EML5: variants seen among roughly 807,000 people sequenced by gnomAD.
The protein encoded by EML5 is echinoderm microtubule-associated protein-like 5.
Under a neutral mutation model 250.0 loss-of-function variants are expected in EML5, and 120 were observed. That is an observed-to-expected ratio of 0.48 (90% CI 0.41 to 0.56). The LOEUF (loss-of-function observed/expected upper bound fraction) is 0.56. Ranked by LOEUF, EML5 falls within the 20% of genes least tolerant of loss-of-function variation. The pLI, the probability that EML5 is intolerant of heterozygous loss-of-function variation, is 0.00. For missense variants in EML5, 2,006 were observed against 2,437.6 expected (o/e 0.82, Z 3.73); for synonymous variants, 771 against 806.5 (o/e 0.96, Z 0.75).
intron 1 of EML5, among the ~76,000 whole-genome samples, chr14:88,765,269 A>G (rs2140505558): frequency 6.6e-6 from 1 of 152,296 alleles, no homozygotes; most frequent in African/African-American, 2.4e-5. Context: ...ACACAACTAA[A>G]TTACTTTCTA....
At chr14:88,738,849 C>T (rs1474985553) in intron 6 of EML5, 30 bp downstream of exon 6, 2 of 1,541,722 alleles carry the variant, frequency 1.3e-6, no homozygotes, top group Admixed American at 2.1e-5. Flanking sequence ...TAGAGTTTGC[C>T]TAGTAATAAG....
intron 20 of EML5, 149 bp from the exon 21 acceptor site, chr14:88,682,180 C>G (rs1479591452): frequency 1.3e-6 from 1 of 771,232 alleles, no homozygotes; most frequent in Non-Finnish European, 1.8e-6. Context: ...TTCTGTTTAT[C>G]TTTGGGAAAC....
Position 88,746,271 on chromosome 14 carries a change from C to G in EML5, c.370G>C (p.Val124Leu). 1 of 1,613,106 alleles carries G rather than the reference C, an allele frequency of 6.2e-7. No individual in the cohort carries two copies. Among genetic ancestry groups the G allele is most frequent in the Non-Finnish European group, 8.5e-7 (1 of 1,179,490 alleles). ...ACTGCATTCTTTGAATCAAGTCCAA[C>G]TGAAACCAAGCGCTGATTTATGTCC... ...FDLDGQRLVS[V>L]GLDSKNAVCV... The change falls in exon 3 of 44, where the codon GTT (valine) becomes CTT (leucine). Residue 124 changes from valine to leucine, a missense_variant. Val to Leu is a conservative substitution (Grantham distance 32). Coordinates refer to ENST00000554922, the MANE Select transcript of EML5 (RefSeq NM_183387.3).
At chr14:88,759,698 A>AACAAAAAAC (rs1555374472) in intron 1 of EML5, among the ~76,000 whole-genome samples, 2 of 142,112 alleles carry the variant, frequency 1.4e-5, no homozygotes, top group African/African-American at 5.4e-5. Flanking sequence ...AAAAAAAAAA[A>AACAAAAAAC]AAAAAACTGG....
rs1397907398 is a variant in EML5, at chr14:88,658,365, C to A, written c.3699G>T (p.Arg1233Ser). 6.2e-7 allele frequency: 1 copy of A among 1,600,066 alleles called. No homozygotes were observed. The highest frequency in any genetic ancestry group is 8.5e-7 in the Non-Finnish European group (1 of 1,173,450). Reference sequence around the variant, plus strand: ...TGACATGTGTACTATGGGCCACATACCTCTTAAACTTTCCAAATTTCCCCT... The same window carrying A: ...TGACATGTGTACTATGGGCCACATAACTCTTAAACTTTCCAAATTTCCCCT... ...PTKGKFGKFK[R>S]YVAHSTHVTN... The change falls in exon 26 of 44, where the codon AGG (arginine) becomes AGT (serine). Residue 1233 changes from arginine to serine, a missense_variant. Arg to Ser is a moderately radical substitution (Grantham distance 110, BLOSUM62 -1). Coordinates refer to ENST00000554922, the MANE Select transcript of EML5 (RefSeq NM_183387.3).
chr14:88,756,116 G>A (rs1442646856), intron 1 of EML5, among the ~76,000 whole-genome samples: 1 of 152,114 alleles, frequency 6.6e-6, no homozygotes, highest in Non-Finnish European at 1.5e-5. Context: ...GTATTTGAAT[G>A]GTTTGGGGTG....
intron 23 of EML5, 87 bp downstream of exon 23, chr14:88,664,406 C>A: frequency 9.0e-7 from 1 of 1,115,334 alleles, no homozygotes; most frequent in Non-Finnish European, 1.2e-6. Flanking sequence ...TTTAACTCAT[C>A]TGTTGAATCA....
chr14:88,712,958 G>A (rs2093429797), intron 9 of EML5, among the ~76,000 whole-genome samples: 1 of 152,162 alleles, frequency 6.6e-6, no homozygotes. Context: ...GAGGACTTTA[G>A]GACCCGGTCA....
chr14:88,641,510 G>T (rs2091064464), intron 31 of EML5, among the ~76,000 whole-genome samples: 1 of 152,058 alleles, frequency 6.6e-6, no homozygotes, highest in Non-Finnish European at 1.5e-5. Context: ...ATGCAAGGTT[G>T]GTTCAACATA....
chr14:88,709,396 TA>T (rs1158000393), intron 10 of EML5, among the ~76,000 whole-genome samples: 2 of 152,096 alleles, frequency 1.3e-5, no homozygotes, highest in Non-Finnish European at 2.9e-5. Context: ...AAGTAATTCT[TA>T]AAGATCAATA....
At chr14:88,667,865 C>T (rs755925753) in intron 21 of EML5, among the ~76,000 whole-genome samples, 1 of 152,192 alleles carries the variant, frequency 6.6e-6, no homozygotes, top group South Asian at 2.1e-4. Context: ...GGCAGGAGTC[C>T]TCACAGTTCA....
At chr14:88,728,307 T>C (rs956921377) in intron 7 of EML5, among the ~76,000 whole-genome samples, 1 of 152,144 alleles carries the variant, frequency 6.6e-6, no homozygotes, top group African/African-American at 2.4e-5. Flanking sequence ...AAAGTACAGT[T>C]GACCCTTGAA....
Position 88,706,439 on chromosome 14 carries a change from T to C in EML5, c.1658-13A>G, listed in dbSNP as rs1178776477. 2.0e-6 allele frequency: 3 copies of C among 1,476,648 alleles called. No individual in the cohort carries two copies. Among genetic ancestry groups the C allele is most frequent in the African/African-American group, 2.9e-5 (2 of 69,208 alleles). The allele number at this position is 1,476,648 out of a possible 1,614,324, so 91.5% of individuals were successfully genotyped here. On this transcript the variant is annotated splice_polypyrimidine_tract_variant and intron_variant, in intron 10 of 43. Coordinates refer to ENST00000554922, the MANE Select transcript of EML5 (RefSeq NM_183387.3). ...CTAAACTTGGCCCCTATAATAAAAA[T>C]ATATCTTTAAATTGATAAACAAATG...
chr14:88,717,930 C>T (rs983515790), intron 8 of EML5, among the ~76,000 whole-genome samples: 3 of 152,112 alleles, frequency 2.0e-5, no homozygotes, highest in African/African-American at 7.2e-5. Context: ...GGACGTAATA[C>T]GTACTATAGG....
At chr14:88,785,183 C>T (rs754480154) in intron 1 of EML5, among the ~76,000 whole-genome samples, 4 of 152,004 alleles carry the variant, frequency 2.6e-5, no homozygotes, top group African/African-American at 4.8e-5. Flanking sequence ...TTACCAGAAG[C>T]TGGAAAGGGT....
chr14:88,719,160 A>G (rs2093551211), intron 8 of EML5, among the ~76,000 whole-genome samples: 1 of 152,080 alleles, frequency 6.6e-6, no homozygotes, highest in East Asian at 1.9e-4. Context: ...CCAAGGCAGG[A>G]GGACTGCTTG....
intron 21 of EML5, among the ~76,000 whole-genome samples, chr14:88,678,283 T>C (rs1378894182): frequency 6.6e-6 from 1 of 152,008 alleles, no homozygotes; most frequent in Non-Finnish European, 1.5e-5. Flanking sequence ...CTGGGGCCTC[T>C]TGGGGGACAG....
intron 10 of EML5, among the ~76,000 whole-genome samples, chr14:88,711,692 C>G (rs1173958409): frequency 6.6e-6 from 1 of 152,058 alleles, no homozygotes; most frequent in African/African-American, 2.4e-5. Flanking sequence ...GCCTGTAATC[C>G]TAGTACTCTG....
chr14:88,673,350 A>C (rs1244141026), intron 21 of EML5, among the ~76,000 whole-genome samples: 1 of 152,240 alleles, frequency 6.6e-6, no homozygotes, highest in Non-Finnish European at 1.5e-5. Context: ...ATCACGTTAA[A>C]AATTCTCAAT....
Sources: gnomAD v4.1 joint callset for allele counts (sites outside exome capture counted in the v4.1 genomes callset) on GRCh38, gnomAD v4.1.1 for gene constraint, MANE v1.5 for transcripts, NCBI Gene and HGNC (gene_info 2026-07-23, HGNC 2026-07-21) for gene names.